The following NXPH1 variants were observed in gnomAD, a reference collection of about 807,000 sequenced individuals.
NXPH1 encodes the protein neurexophilin 1, also known as neurexophilin-1.
A neutral mutation model predicts 23.7 loss-of-function variants in NXPH1; 5 were observed. That is an observed-to-expected ratio of 0.21 (90% CI 0.11 to 0.44). The LOEUF is 0.44. Among genes scored for constraint, NXPH1 ranks in the 20% least tolerant of loss-of-function variants. NXPH1 has a pLI of 0.99. For synonymous variants in NXPH1, 144 were observed against 122.2 expected, an observed-to-expected ratio of 1.18 and a Z score of -1.18; for missense variants, 324 against 321.6, an observed-to-expected ratio of 1.01 and a Z score of -0.06.
rs989133655 is a variant in NXPH1 at position 8,750,895 on chromosome 7, T to A, written c.55-113T>A. ...GTGTTCTTCTCAGATGCGGTGCTTT[T>A]AAAAAAAAGTGTAATTATTTAATCC... On this transcript the variant is annotated intron_variant, in intron 2 of 2. Transcript: ENST00000405863. The A allele has an allele frequency of 1.7e-5, 18 of 1,077,558 alleles. No homozygotes were observed. The African/African-American group carries it at 2.5e-4, about 15-fold the overall frequency. The allele number at this position is 1,077,558 out of a possible 1,614,324, so 66.7% of individuals were successfully genotyped here.
At chr7:8,706,278 G>A (rs1004873571) in intron 2 of NXPH1, among the ~76,000 whole-genome samples, 1 of 152,208 alleles carries the variant, frequency 6.6e-6, no homozygotes, top group African/African-American at 2.4e-5. Flanking sequence ...GATTGGGCAT[G>A]TGTGCAACAA....
intron 2 of NXPH1, among the ~76,000 whole-genome samples, chr7:8,538,313 C>T (rs1266988706): frequency 6.6e-6 from 1 of 151,920 alleles, no homozygotes; most frequent in African/African-American, 2.4e-5. Context: ...CCCTTCTTGT[C>T]TTTTCCTCCA....
At position 8,708,167 on chromosome 7, in the gene NXPH1, C is replaced by A. The variant is rs148306937; in HGVS notation, c.55-42841C>A. On this transcript the variant is annotated intron_variant, in intron 2 of 2. Transcript: ENST00000405863. The stretch of plus-strand genomic sequence containing the variant: ...CATGGTCTATAAAGAATTCTTAATT[C>A]TTTTCTTCACTCAGAAAAATGATCA... Among the ~76,000 whole-genome samples, 45 of 152,150 alleles carry A rather than the reference C, an allele frequency of 3.0e-4. No individual in the cohort carries two copies. In the East Asian group the frequency reaches 8.7e-3, roughly 29 times the overall value.
chr7:8,710,819 C>A (rs561335134), intron 2 of NXPH1, among the ~76,000 whole-genome samples: 1 of 137,170 alleles, frequency 7.3e-6, no homozygotes, highest in South Asian at 2.4e-4. Context: ...CCCGCCACCG[C>A]GCCCGGCTAA....
At chr7:8,547,922 C>G (rs1461334587) in intron 2 of NXPH1, among the ~76,000 whole-genome samples, 1 of 151,518 alleles carries the variant, frequency 6.6e-6, no homozygotes, top group Non-Finnish European at 1.5e-5. Context: ...CATGACTTTG[C>G]TATCGCGAAT....
chr7:8,461,272 C>T (rs924072510), intron 2 of NXPH1, among the ~76,000 whole-genome samples: 6 of 152,202 alleles, frequency 3.9e-5, no homozygotes, highest in Non-Finnish European at 8.8e-5. Flanking sequence ...GCACAAATCC[C>T]TTTCTCATTC....
intron 2 of NXPH1, among the ~76,000 whole-genome samples, chr7:8,619,794 A>G (rs1819826007): frequency 6.6e-6 from 1 of 152,182 alleles, no homozygotes; most frequent in Non-Finnish European, 1.5e-5. Context: ...CCATTATTTC[A>G]TATGATGTTT....
intron 2 of NXPH1, among the ~76,000 whole-genome samples, chr7:8,607,691 C>T (rs1819524411): frequency 6.6e-6 from 1 of 152,024 alleles, no homozygotes; most frequent in African/African-American, 2.4e-5. Context: ...GTTGCTAGAC[C>T]CCTTTGCTTT....
chr7:8,463,982 G>C (rs1334379278), intron 2 of NXPH1, among the ~76,000 whole-genome samples: 2 of 151,970 alleles, frequency 1.3e-5, no homozygotes, highest in Non-Finnish European at 2.9e-5. Context: ...CACATATTTT[G>C]TTCAAAACCA....
intron 2 of NXPH1, among the ~76,000 whole-genome samples, chr7:8,638,100 C>A (rs987352593): frequency 3.9e-5 from 6 of 152,112 alleles, no homozygotes; most frequent in Non-Finnish European, 5.9e-5. Context: ...CAGCTTGTAG[C>A]GACAGAGATG....
chr7:8,682,768 T>G (rs1333551652), intron 2 of NXPH1, among the ~76,000 whole-genome samples: 1 of 152,240 alleles, frequency 6.6e-6, no homozygotes, highest in Non-Finnish European at 1.5e-5. Flanking sequence ...TGAGTGATGC[T>G]TCTTCAGAAA....
At chr7:8,616,896 T>G (rs1490052138) in intron 2 of NXPH1, among the ~76,000 whole-genome samples, 1 of 150,070 alleles carries the variant, frequency 6.7e-6, no homozygotes, top group African/African-American at 2.5e-5. Context: ...GGATATCAGA[T>G]TTGAGGGGAG....
chr7:8,437,374 G>C (rs1357337815), intron 2 of NXPH1, among the ~76,000 whole-genome samples: 1 of 130,470 alleles, frequency 7.7e-6, no homozygotes, highest in African/African-American at 2.8e-5. Flanking sequence ...TGGGGGGAGG[G>C]AATGCAAAGT....
chr7:8,699,651 A>C (rs1386205778), intron 2 of NXPH1, among the ~76,000 whole-genome samples: 1 of 152,186 alleles, frequency 6.6e-6, no homozygotes, highest in Non-Finnish European at 1.5e-5. Context: ...ATTGTGTACT[A>C]TATCAAAGAG....
intron 2 of NXPH1, among the ~76,000 whole-genome samples, chr7:8,648,277 T>A (rs1284305469): frequency 6.6e-6 from 1 of 152,136 alleles, no homozygotes; most frequent in African/African-American, 2.4e-5. Context: ...TTTTTTCTTG[T>A]AGCCATTAAC....
Position 8,442,743 on chromosome 7 carries a change from G to A in NXPH1, c.54+6976G>A, listed in dbSNP as rs1816324305. On this transcript the variant is annotated intron_variant, in intron 2 of 2. Transcript: ENST00000405863. This position sits in a 1 kb window ranked among gnomAD's most constrained non-coding sequence, Gnocchi z 4.6. Reference sequence around the variant, plus strand: ...TCTGCTTTCAGTCGCAGGTGACCTCGAGCGATCTCGACAGGTTTATGGAAA... The same window carrying A: ...TCTGCTTTCAGTCGCAGGTGACCTCAAGCGATCTCGACAGGTTTATGGAAA... Among the ~76,000 whole-genome samples the A allele has an allele frequency of 6.6e-6, 1 of 152,328 alleles. No individual in the cohort carries two copies. Among genetic ancestry groups the A allele is most frequent in the Middle Eastern group, 3.4e-3 (1 of 294 alleles).
chr7:8,585,858 G>T (rs571824741), intron 2 of NXPH1, among the ~76,000 whole-genome samples: 3 of 152,088 alleles, frequency 2.0e-5, no homozygotes, highest in African/African-American at 7.2e-5. Context: ...CATTTTTATC[G>T]GGAGGGCTTT....
rs1436280933 is a variant in NXPH1 at position 8,442,952 on chromosome 7, G to A, written c.54+7185G>A. Among the ~76,000 whole-genome samples, 1 of 152,240 alleles carries A rather than the reference G, an allele frequency of 6.6e-6. No individual in the cohort carries two copies. The highest frequency in any genetic ancestry group is 2.4e-5 in the African/African-American group (1 of 41,456). On this transcript the variant is annotated intron_variant, in intron 2 of 2. Coordinates refer to ENST00000405863, the MANE Select transcript of NXPH1 (RefSeq NM_152745.3). This position sits in a 1 kb window ranked among gnomAD's most constrained non-coding sequence, Gnocchi z 4.6. The stretch of plus-strand genomic sequence containing the variant: ...TCGCGGGCAGGCGGGCGTGGGGCAC[G>A]CCAGGGCCGGGAGAGCGACTCTTCA...
chr7:8,667,222 C>T (rs1260071063), intron 2 of NXPH1, among the ~76,000 whole-genome samples: 1 of 151,984 alleles, frequency 6.6e-6, no homozygotes, highest in East Asian at 1.9e-4. Flanking sequence ...GATAATTAGC[C>T]ATTACATTAT....
Sources: gnomAD v4.1 joint callset for allele counts (sites outside exome capture counted in the v4.1 genomes callset) on GRCh38, gnomAD v4.1.1 for gene constraint, Gnocchi (gnomAD v3.1) non-coding constraint, MANE v1.5 for transcripts, NCBI Gene and HGNC (gene_info 2026-07-23, HGNC 2026-07-21) for gene names.